Variants in IPO5 observed in about 807,000 individuals in gnomAD.
IPO5 encodes the protein importin-5.
Under a neutral mutation model 143.3 loss-of-function variants are expected in IPO5, and 18 were observed. That is an observed-to-expected ratio of 0.13 (90% CI 0.09 to 0.19). The LOEUF is 0.19. Ranked by LOEUF, IPO5 falls within the 10% of genes least tolerant of loss-of-function variation. IPO5 has a pLI of 1.00. For synonymous variants in IPO5, 477 were observed against 465.7 expected (o/e 1.02, Z -0.31); for missense variants, 1,013 against 1,336.9 (o/e 0.76, Z 3.78).
intron 3 of IPO5, among the ~76,000 whole-genome samples, chr13:97,973,519 G>A (rs1236611585): frequency 6.6e-6 from 1 of 152,188 alleles, no homozygotes; most frequent in Admixed American, 6.5e-5. Flanking sequence ...CTGGACACCA[G>A]AACCAGTCTC....
chr13:97,974,226 C>T (rs578065927), intron 3 of IPO5, among the ~76,000 whole-genome samples: 52 of 152,158 alleles, frequency 3.4e-4, no homozygotes, highest in Middle Eastern at 3.4e-3. Flanking sequence ...GGAGATCGGG[C>T]CATGCCCTAA....
rs754173758 is a variant in IPO5 at position 97,992,958 on chromosome 13, A to G, written c.736A>G (p.Thr246Ala). The stretch of plus-strand genomic sequence containing the variant: ...AAAATCCCTCGTTGAGATTGCAGAT[A>G]CTGTTCCAAAGTATTTGCGTCCTCA... ...VLKSLVEIAD[T>A]VPKYLRPHLE... Residue 246 changes from threonine (T) to alanine (A), a missense_variant, in exon 10 of 29, where the codon ACT becomes GCT. Around this residue, in one of 2 missense-constraint regions of IPO5, gnomAD observed 328 missense variants for 342.0 expected, o/e 0.96. Coordinates refer to ENST00000651721, the MANE Select transcript of IPO5 (RefSeq NM_002271.6). 6.2e-7 allele frequency: 1 copy of G among 1,613,962 alleles called. No individual in the cohort carries two copies. The highest frequency in any genetic ancestry group is 8.5e-7 in the Non-Finnish European group (1 of 1,179,830).
At chr13:98,021,667 A>G (rs986150002) in intron 28 of IPO5, 69 bp from the exon 29 acceptor site, 4 of 880,666 alleles carry the variant, frequency 4.5e-6, no homozygotes, top group Admixed American at 2.3e-5. Context: ...CAGTTTACCT[A>G]TGATGATGAT....
At chr13:98,011,421 G>T (rs968068738) in intron 20 of IPO5, among the ~76,000 whole-genome samples, 1 of 151,802 alleles carries the variant, frequency 6.6e-6, no homozygotes, top group African/African-American at 2.4e-5. Context: ...CTCCCGAGTA[G>T]CTAGGATTAC....
intron 5 of IPO5, 44 bp from the exon 6 acceptor site, chr13:97,985,377 A>G (rs372446897): frequency 6.2e-6 from 9 of 1,461,132 alleles, no homozygotes; most frequent in South Asian, 3.5e-5. Context: ...AAATACATCA[A>G]TGGCAGAGTG....
At chr13:97,959,561 C>CTACTAAAA (rs1311867433) in intron 2 of IPO5, among the ~76,000 whole-genome samples, 5 of 152,078 alleles carry the variant, frequency 3.3e-5, no homozygotes, top group South Asian at 2.1e-4. Flanking sequence ...AACCCCGTCT[C>CTACTAAAA]TACTAAAATA....
At chr13:98,000,697 G>C (rs1249486575) in intron 13 of IPO5, 52 bp downstream of exon 13, 1 of 1,203,158 alleles carries the variant, frequency 8.3e-7, no homozygotes, top group East Asian at 2.3e-5. Context: ...CCTTTCTAAA[G>C]CTTAAATTCT....
chr13:98,002,513 T>C lies in IPO5; in HGVS notation c.1155T>C (p.Ile385=). The change falls in exon 14 of 29, where the codon ATT becomes ATC. Residue 385 remains isoleucine, a synonymous_variant. Transcript: ENST00000651721. ...RHAGLMALSA[I]GEGCHQQMEG... ...CAGGATTGATGGCCTTATCTGCCAT[T>C]GGTGAAGGGTGCCACCAGCAAATGG... 6.2e-7 allele frequency: 1 copy of C among 1,614,110 alleles called. No homozygotes were observed. Among genetic ancestry groups the C allele is most frequent in the Non-Finnish European group, 8.5e-7 (1 of 1,179,994 alleles).
chr13:97,997,325 TAATG>T (rs1888379954), intron 11 of IPO5, among the ~76,000 whole-genome samples: 1 of 152,188 alleles, frequency 6.6e-6, no homozygotes, highest in Non-Finnish European at 1.5e-5. Context: ...GGGTTTGACT[TAATG>T]AATGTTGCTT....
chr13:97,955,153 G>A (rs1402881344), intron 2 of IPO5, among the ~76,000 whole-genome samples: 2 of 151,962 alleles, frequency 1.3e-5, no homozygotes, highest in African/African-American at 4.8e-5. Context: ...TCCTTGAGCT[G>A]GGGAGGTCAA....
chr13:97,988,649 A>G (rs778798996), intron 6 of IPO5, among the ~76,000 whole-genome samples: 6 of 152,174 alleles, frequency 3.9e-5, no homozygotes, highest in Non-Finnish European at 5.9e-5. Context: ...TTAGTCAGGC[A>G]TGGTGGCAGG....
rs1566506152 is a variant in IPO5 at position 97,990,450 on chromosome 13, T to C, written c.582T>C (p.Ala194=). 6.2e-7 allele frequency: 1 copy of C among 1,600,972 alleles called. No homozygotes were observed. Among genetic ancestry groups the C allele is most frequent in the East Asian group, 2.2e-5 (1 of 44,784 alleles). The stretch of plus-strand genomic sequence containing the variant: ...GATTTTAGATCAGGACGTTATCTGC[T>C]AGAGCTACAGCTGCATTTATACTTG... ...QEHPSIRTLS[A]RATAAFILAN... Residue 194 remains alanine, a synonymous_variant, in exon 9 of 29, where the codon GCT becomes GCC. Coordinates refer to ENST00000651721, the MANE Select transcript of IPO5 (RefSeq NM_002271.6).
chr13:97,994,152 C>CA (rs1215491181), intron 11 of IPO5, among the ~76,000 whole-genome samples: 3 of 152,004 alleles, frequency 2.0e-5, no homozygotes, highest in Non-Finnish European at 2.9e-5. Flanking sequence ...ACTAAAAATA[C>CA]AAAAAATTAG....
chr13:97,975,967 G>A (rs916496149), intron 3 of IPO5: 1 of 985,516 alleles, frequency 1.0e-6, no homozygotes, highest in Non-Finnish European at 1.2e-6. Context: ...GAGGTCGGAG[G>A]GTCTGAAAGC....
At chr13:97,991,303 C>T (rs1594079409) in intron 9 of IPO5, among the ~76,000 whole-genome samples, 1 of 152,244 alleles carries the variant, frequency 6.6e-6, no homozygotes, top group East Asian at 1.9e-4. Flanking sequence ...TGTAAATGGT[C>T]AGACAAGACT....
chr13:98,010,883 T>C (rs746381938), intron 20 of IPO5, among the ~76,000 whole-genome samples: 53 of 147,892 alleles, frequency 3.6e-4, no homozygotes, highest in Non-Finnish European at 6.2e-4. Context: ...GGCGTTCAGT[T>C]GATTCTCCTG....
chr13:97,985,655 T>A, intron 6 of IPO5, 42 bp downstream of exon 6: 1 of 1,329,184 alleles, frequency 7.5e-7, no homozygotes, highest in Non-Finnish European at 1.0e-6. Context: ...AACATGGGTA[T>A]ATCCTTCCTT....
chr13:97,977,929 C>T (rs1026466831), intron 4 of IPO5, among the ~76,000 whole-genome samples: 3 of 152,148 alleles, frequency 2.0e-5, no homozygotes, highest in African/African-American at 2.4e-5. Flanking sequence ...GACTGCAAGT[C>T]CTCTTCTGAA....
At chr13:97,961,279 C>T (rs971532862) in intron 2 of IPO5, among the ~76,000 whole-genome samples, 1 of 152,192 alleles carries the variant, frequency 6.6e-6, no homozygotes, top group African/African-American at 2.4e-5. Flanking sequence ...ATAATGTTGC[C>T]ATGAACATTC....
Sources: gnomAD v4.1 joint callset for allele counts (sites outside exome capture counted in the v4.1 genomes callset) on GRCh38, gnomAD v4.1.1 for gene constraint, gnomAD v4.1.1 regional missense constraint, MANE v1.5 for transcripts, NCBI Gene and HGNC (gene_info 2026-07-23, HGNC 2026-07-21) for gene names.